UST: variants seen among roughly 807,000 people sequenced by gnomAD.
The protein encoded by UST is chondroitin sulfate 2-O-sulfotransferase.
In UST, 21 loss-of-function variants were observed where a neutral mutation model predicts 45.6. The observed-to-expected ratio is 0.46, with a 90% CI of 0.33 to 0.66. The LOEUF (loss-of-function observed/expected upper bound fraction) is 0.66. Ranked by LOEUF, UST falls within the 30% of genes least tolerant of loss-of-function variation. The probability of loss-of-function intolerance (pLI) is 0.02; values close to 1 mark genes in which losing one functional copy is unlikely to be tolerated. For synonymous variants in UST, 215 were observed against 200.6 expected, an observed-to-expected ratio of 1.07 and a Z score of -0.61; for missense variants, 463 against 512.4, an observed-to-expected ratio of 0.90 and a Z score of 0.93.
At chr6:148,795,393 A>G (rs1776929910) in intron 1 of UST, among the ~76,000 whole-genome samples, 1 of 152,184 alleles carries the variant, frequency 6.6e-6, no homozygotes, top group Non-Finnish European at 1.5e-5. Context: ...TGCTTTGCTC[A>G]CAAGCACCTG....
At chr6:148,959,711 C>G (rs1256910362) in intron 4 of UST, among the ~76,000 whole-genome samples, 2 of 152,176 alleles carry the variant, frequency 1.3e-5, no homozygotes, top group East Asian at 1.9e-4. Flanking sequence ...AGTGGGAGCC[C>G]TGACCCAAAT....
At chr6:148,972,417 T>G (rs1423173483) in intron 5 of UST, among the ~76,000 whole-genome samples, 1 of 152,166 alleles carries the variant, frequency 6.6e-6, no homozygotes, top group Non-Finnish European at 1.5e-5. Context: ...AGCAAGAGGC[T>G]CACTCTGGTG....
chr6:148,808,321 T>C (rs1474777473), intron 1 of UST, among the ~76,000 whole-genome samples: 1 of 152,218 alleles, frequency 6.6e-6, no homozygotes. Context: ...TCCACCCTCA[T>C]AGGCGAATGT....
intron 1 of UST, among the ~76,000 whole-genome samples, chr6:148,854,196 C>T (rs1162895758): frequency 1.3e-5 from 2 of 152,220 alleles, no homozygotes; most frequent in Non-Finnish European, 2.9e-5. Flanking sequence ...AGCTCCTCTG[C>T]TACCGTCTGT....
intron 5 of UST, among the ~76,000 whole-genome samples, chr6:148,985,583 T>C (rs1456313564): frequency 6.6e-6 from 1 of 152,164 alleles, no homozygotes; most frequent in African/African-American, 2.4e-5. Flanking sequence ...CAAGAGCAGT[T>C]TCCATTTAGT....
At chr6:148,896,228 G>T (rs1229408514) in intron 2 of UST, among the ~76,000 whole-genome samples, 2 of 152,200 alleles carry the variant, frequency 1.3e-5, no homozygotes, top group African/African-American at 4.8e-5. Flanking sequence ...TTACTTGCAA[G>T]AGTAGATTTC....
At chr6:148,808,841 CCT>C (rs1391488008) in intron 1 of UST, among the ~76,000 whole-genome samples, 1 of 152,162 alleles carries the variant, frequency 6.6e-6, no homozygotes, top group African/African-American at 2.4e-5. Context: ...ACCAGAACTC[CCT>C]CTCTTCAGCA....
At chr6:148,990,288 C>A in intron 5 of UST, 1 of 602,744 alleles carries the variant, frequency 1.7e-6, no homozygotes, top group Non-Finnish European at 2.1e-6. Context: ...ATATAATAAA[C>A]AGGAACTGGT....
intron 1 of UST, among the ~76,000 whole-genome samples, chr6:148,850,296 A>T (rs1390689677): frequency 6.6e-6 from 1 of 152,192 alleles, no homozygotes; most frequent in Non-Finnish European, 1.5e-5. Context: ...AGCCTGGACC[A>T]GCGTCTGCTC....
At chr6:149,021,597 C>G (rs1192718205) in intron 7 of UST, 116 bp downstream of exon 7, 1 of 1,218,206 alleles carries the variant, frequency 8.2e-7, no homozygotes, top group Admixed American at 2.3e-5. Context: ...TGACAAAGGG[C>G]AGTTAGTTCC....
At chr6:148,999,570 C>T (rs1207353377) in intron 5 of UST, among the ~76,000 whole-genome samples, 1 of 152,246 alleles carries the variant, frequency 6.6e-6, no homozygotes, top group East Asian at 1.9e-4. Flanking sequence ...GTAACAGTGT[C>T]TCACAGGGTC....
chr6:149,062,118 C>G (rs577921195), intron 7 of UST, among the ~76,000 whole-genome samples: 2 of 152,338 alleles, frequency 1.3e-5, no homozygotes, highest in African/African-American at 2.4e-5. Context: ...CCTTCCTTAT[C>G]ATGGCATGTC....
chr6:148,983,978 T>A (rs7774656), intron 5 of UST, among the ~76,000 whole-genome samples: 97,729 of 151,862 alleles, frequency 0.64, 31,591 homozygotes, highest in African/African-American at 0.69. Flanking sequence ...GTTCTTTTTT[T>A]AAAAAATTAA....
At chr6:149,008,860 A>G (rs1452656084) in intron 5 of UST, among the ~76,000 whole-genome samples, 1 of 152,232 alleles carries the variant, frequency 6.6e-6, no homozygotes, top group Non-Finnish European at 1.5e-5. Context: ...TGGCCATTAA[A>G]TAATCACCAG....
chr6:148,928,851 C>T (rs1482683799), intron 2 of UST, among the ~76,000 whole-genome samples: 1 of 152,232 alleles, frequency 6.6e-6, no homozygotes, highest in Non-Finnish European at 1.5e-5. Flanking sequence ...GTTAATCTCC[C>T]AGCTCAAGTT....
intron 5 of UST, among the ~76,000 whole-genome samples, chr6:148,985,136 T>G (rs1562320907): frequency 6.6e-6 from 1 of 152,126 alleles, no homozygotes; most frequent in South Asian, 2.1e-4. Context: ...TACATATGAA[T>G]GGAGACACCC....
At chr6:148,833,392 T>C (rs1177841946) in intron 1 of UST, among the ~76,000 whole-genome samples, 1 of 152,060 alleles carries the variant, frequency 6.6e-6, no homozygotes, top group Non-Finnish European at 1.5e-5. Flanking sequence ...GAGAATGAGT[T>C]GGGAGGATCG....
chr6:148,964,306 C>A (rs1780734786), intron 4 of UST, 104 bp from the exon 5 acceptor site: 1 of 1,383,110 alleles, frequency 7.2e-7, no homozygotes, highest in South Asian at 1.3e-5. Context: ...CATAGGAGGT[C>A]ATCTTTCAAT....
At chr6:148,930,705 G>A (rs575319104) in intron 2 of UST, among the ~76,000 whole-genome samples, 72 of 152,278 alleles carry the variant, frequency 4.7e-4, no homozygotes, top group African/African-American at 1.7e-3. Flanking sequence ...CTAGAGGGCC[G>A]TGTGGAAGGA....
Sources: allele counts gnomAD v4.1 joint callset (sites outside exome capture counted in the v4.1 genomes callset), GRCh38; gene constraint gnomAD v4.1.1; transcripts MANE v1.5; gene names NCBI Gene and HGNC (gene_info 2026-07-23, HGNC 2026-07-21).